EIF3E: variants seen among roughly 807,000 people sequenced by gnomAD.
The protein encoded by EIF3E is eukaryotic translation initiation factor 3 subunit E, also known as eIF-3 p48.
EIF3E carries 25 observed loss-of-function variants against 59.3 expected under a neutral mutation model. The ratio of observed to expected loss-of-function variants is 0.42; its 90% CI spans 0.31 to 0.59. The LOEUF (loss-of-function observed/expected upper bound fraction) is 0.59, where lower values mean the gene tolerates loss of function less well. Ranked by LOEUF, EIF3E falls within the 20% of genes least tolerant of loss-of-function variation. The probability of loss-of-function intolerance (pLI) is 0.15; values close to 1 mark genes in which losing one functional copy is unlikely to be tolerated. For synonymous variants in EIF3E, 176 were observed against 170.2 expected (o/e 1.03, Z -0.26); for missense variants, 317 against 534.3 (o/e 0.59, Z 4.01).
At chr8:108,236,059 A>C in intron 4 of EIF3E, 102 bp downstream of exon 4, 1 of 860,624 alleles carries the variant, frequency 1.2e-6, no homozygotes, top group Admixed American at 2.9e-5. Context: ...ATTAATCTGG[A>C]AATTATATTC....
Sources: allele counts gnomAD v4.1 joint callset, GRCh38; gene constraint gnomAD v4.1.1; transcripts MANE v1.5; gene names NCBI Gene and HGNC (gene_info 2026-07-23, HGNC 2026-07-21).